OTX1: variants seen among roughly 807,000 people sequenced by gnomAD.
The protein encoded by OTX1 is homeobox protein OTX1.
Under a neutral mutation model 26.7 loss-of-function variants are expected in OTX1, and 7 were observed. The observed-to-expected ratio is 0.26, with a 90% CI of 0.15 to 0.49. The LOEUF (loss-of-function observed/expected upper bound fraction) is 0.49. Among genes scored for constraint, OTX1 ranks in the 20% least tolerant of loss-of-function variants. The pLI is 0.98. For synonymous variants in OTX1, 216 were observed against 212.8 expected (o/e 1.01, Z -0.13); for missense variants, 414 against 483.8 (o/e 0.86, Z 1.35).
chr2:63,050,418 T>C (rs2062016227), upstream of OTX1, among the ~76,000 whole-genome samples: 1 of 152,056 alleles, frequency 6.6e-6, no homozygotes, highest in African/African-American at 2.4e-5. Context: ...CTGAGCCCTG[T>C]AGCGCGCGGG....
intron 3 of OTX1, 99 bp downstream of exon 3, chr2:63,053,186 G>T (rs1355310295): frequency 2.5e-6 from 2 of 784,716 alleles, no homozygotes; most frequent in African/African-American, 1.8e-5. Context: ...AGCAGGCCCA[G>T]GGAGCCGGCT....
chr2:63,056,295 A>G lies in OTX1; in HGVS notation c.1044A>G (p.Ser348=), dbSNP rs1481574899. The change falls in exon 5 of 5, where the codon TCA becomes TCG. Residue 348 remains serine (S), a synonymous_variant. Transcript: ENST00000282549. The part of the protein sequence containing the change: ...PDCLDYKDQA[S]WRFQVL ...GTCTGGACTATAAGGACCAAGCCTC[A>G]TGGCGGTTCCAGGTCTTGTGAGCCC... The G allele has an allele frequency of 6.2e-7, 1 of 1,612,948 alleles. No homozygotes were observed. The highest frequency in any genetic ancestry group is 1.7e-5 in the Admixed American group (1 of 59,942).
In OTX1 at chr2:63,055,266, T is replaced by C. The variant is rs183814039; in HGVS notation, c.250-235T>C. On this transcript the variant is annotated intron_variant, in intron 4 of 4. Transcript: ENST00000282549. The surrounding 1 kb of genome is among the most constrained non-coding windows in gnomAD (Gnocchi z 5.2). ...TGCGGTAGGGGTGGGGAGGTGCGCA[T>C]CCCTGCTCTGGAGCCAGCTGAGGAG... 3.3e-5 allele frequency among the ~76,000 whole-genome samples: 5 copies of C among 151,864 alleles called. No individual in the cohort carries two copies. The highest frequency in any genetic ancestry group is 2.1e-4 in the South Asian group (1 of 4,794).
rs1322457518 is a variant in OTX1, at chr2:63,054,203, G to A, written c.249+5G>A. ...CTGCCGGAGTCTAGAGTCCAGGTGC[G>A]CACTCCCCGGGCTCCAGGGTCTGGG... On this transcript the variant is annotated splice_donor_5th_base_variant and intron_variant, in intron 4 of 4. Coordinates refer to ENST00000282549, the MANE Select transcript of OTX1 (RefSeq NM_014562.4). 1 of 1,582,122 alleles carries A rather than the reference G, an allele frequency of 6.3e-7. No individual in the cohort carries two copies. Among genetic ancestry groups the A allele is most frequent in the Non-Finnish European group, 8.6e-7 (1 of 1,162,806 alleles).
intron 4 of OTX1, among the ~76,000 whole-genome samples, chr2:63,054,500 T>G (rs1574628882): frequency 6.6e-6 from 1 of 152,280 alleles, no homozygotes; most frequent in South Asian, 2.1e-4. Context: ...TAAAGCGCCC[T>G]GCGGGCCTGA....
Position 63,056,557 on chromosome 2 carries a change from T to C in OTX1, c.*241T>C. The C allele has an allele frequency of 1.7e-6, 1 of 588,706 alleles. No individual in the cohort carries two copies. The highest frequency in any genetic ancestry group is 3.0e-6 in the Non-Finnish European group (1 of 330,306). 36.5% of individuals were successfully genotyped at this position (588,706 alleles called of 1,614,324 possible). Reference sequence around the variant, plus strand: ...CCGGTGCTTCGGCTTGGCCTACACATTCTATACAGGAGAGATGTATTATTT... The same window carrying C: ...CCGGTGCTTCGGCTTGGCCTACACACTCTATACAGGAGAGATGTATTATTT... On this transcript the variant is annotated 3_prime_UTR_variant, in exon 5 of 5. Transcript: ENST00000282549.
At position 63,055,683 on chromosome 2, in the gene OTX1, C is replaced by T; in HGVS notation, c.432C>T (p.Ser144=). Residue 144 remains serine, a synonymous_variant, in exon 5 of 5, where the codon AGC becomes AGT. Coordinates refer to ENST00000282549, the MANE Select transcript of OTX1 (RefSeq NM_014562.4). This position sits in a 1 kb window ranked among gnomAD's most constrained non-coding sequence, Gnocchi z 5.2. ...CCTCGTCCTCTAGCTCGGCGTCCAG[C>T]TCTTCCGCCAACCCAGCGGCTGCAG... ...SSASSSSSAS[S]SSANPAAAAA... The T allele has an allele frequency of 6.2e-7, 1 of 1,613,884 alleles. No homozygotes were observed. The highest frequency in any genetic ancestry group is 1.1e-5 in the South Asian group (1 of 91,082).
At chr2:63,050,423 C>T (rs998995010), upstream of OTX1, among the ~76,000 whole-genome samples, 1 of 152,142 alleles carries the variant, frequency 6.6e-6, no homozygotes, top group African/African-American at 2.4e-5. Context: ...CCCTGTAGCG[C>T]GCGGGAGAGC....
At position 63,055,824 on chromosome 2, in the gene OTX1, G is replaced by C; in HGVS notation, c.573G>C (p.Val191=). ...SISPGSAPAS[V]SVPEPLAAPS... ...CGCCAGGCTCAGCGCCCGCGTCCGT[G>C]TCGGTGCCGGAGCCATTGGCCGCGC... The change falls in exon 5 of 5, where the codon GTG becomes GTC. Residue 191 remains valine (V), a synonymous_variant. Coordinates refer to ENST00000282549, the MANE Select transcript of OTX1 (RefSeq NM_014562.4). The surrounding 1 kb of genome is among the most constrained non-coding windows in gnomAD (Gnocchi z 5.2). The C allele has an allele frequency of 6.2e-7, 1 of 1,612,202 alleles. No individual in the cohort carries two copies. The highest frequency in any genetic ancestry group is 1.1e-5 in the South Asian group (1 of 91,016).
chr2:63,052,900 A>C lies in OTX1; in HGVS notation c.-91A>C. ...CATAGGCCAGGCCCCCAGACGCATC[A>C]GACCCTGAAGGACTGCGTGGTGGGA... is the stretch of plus-strand genomic sequence containing the variant. On this transcript the variant is annotated 5_prime_UTR_variant, in exon 3 of 5. Coordinates refer to ENST00000282549, the MANE Select transcript of OTX1 (RefSeq NM_014562.4). 3 of 785,858 alleles carry C rather than the reference A, an allele frequency of 3.8e-6. No homozygotes were observed. The South Asian group carries it at 4.6e-5, about 12-fold the overall frequency. 48.7% of individuals were successfully genotyped at this position (785,858 alleles called of 1,614,324 possible).
chr2:63,057,572 CCTCTGTCGGCTT>C lies in OTX1; in HGVS notation c.*1261_*1272del, dbSNP rs1342215332. On this transcript the variant is annotated 3_prime_UTR_variant, in exon 5 of 5. Transcript: ENST00000282549. ...CCAGGCCCCAAACCCAGTTCCAACT[CCTCTGTCGGCTT>C]CTCTCTTTCAACACCCTTGTTTTGT... 1 of 152,230 alleles carries C rather than the reference CCTCTGTCGGCTT, an allele frequency of 6.6e-6. No homozygotes were observed. Among genetic ancestry groups the C allele is most frequent in the African/African-American group, 2.4e-5 (1 of 41,434 alleles). The allele number at this position is 152,230 out of a possible 1,614,324, so 9.4% of individuals were successfully genotyped here.
chr2:63,052,937 C>T lies in OTX1; in HGVS notation c.-54C>T, dbSNP rs570648946. On this transcript the variant is annotated 5_prime_UTR_variant, in exon 3 of 5. Coordinates refer to ENST00000282549, the MANE Select transcript of OTX1 (RefSeq NM_014562.4). ...ACTGCGTGGTGGGAGCCCTGCACCG[C>T]TCCTGGCCCCGGGCCCCCTGGATCC... The T allele has an allele frequency of 8.0e-7, 1 of 1,248,910 alleles. No individual in the cohort carries two copies. The highest frequency in any genetic ancestry group is 1.2e-6 in the Non-Finnish European group (1 of 861,040). 77.4% of individuals were successfully genotyped at this position (1,248,910 alleles called of 1,614,324 possible).
Position 63,056,362 on chromosome 2 carries a change from CG to C in OTX1, c.*47del. The C allele has an allele frequency of 6.6e-7, 1 of 1,518,442 alleles. No individual in the cohort carries two copies. Among genetic ancestry groups the C allele is most frequent in the Non-Finnish European group, 9.0e-7 (1 of 1,109,596 alleles). 94.1% of individuals were successfully genotyped at this position (1,518,442 alleles called of 1,614,324 possible). ...AAGAAACGCAACTACCTGCGCCCTCCGTGGTCCCGATCCTGTTGCTGCTGCT... is the reference window on the plus strand; with the variant it reads ...AAGAAACGCAACTACCTGCGCCCTCCTGGTCCCGATCCTGTTGCTGCTGCT... On this transcript the variant is annotated 3_prime_UTR_variant, in exon 5 of 5. Transcript: ENST00000282549.
At chr2:63,049,825 T>G (rs138281018), upstream of OTX1, among the ~76,000 whole-genome samples, 4 of 152,232 alleles carry the variant, frequency 2.6e-5, no homozygotes, top group East Asian at 7.7e-4. This position sits in a 1 kb window ranked among gnomAD's most constrained non-coding sequence, Gnocchi z 4.8. Flanking sequence ...GTTTGGGAAG[T>G]TTTTTCGGGT....
Position 63,056,171 on chromosome 2 carries a change from C to T in OTX1, c.920C>T (p.Ser307Phe). Residue 307 changes from serine (S) to phenylalanine (F), a missense_variant, in exon 5 of 5, where the codon TCT becomes TTT. This residue lies in a region of OTX1 where 320 missense variants were observed against 347.9 expected (regional missense o/e 0.92). Transcript: ENST00000282549. The stretch of plus-strand genomic sequence containing the variant: ...CACCACCACCAAGGCTACGGTGGCT[C>T]TGGGCTTGCCTTCAACTCTGCCGAC... ...HHHHHQGYGG[S>F]GLAFNSADCL... is the part of the protein sequence containing the mutation. The T allele has an allele frequency of 2.5e-6, 4 of 1,614,056 alleles. No homozygotes were observed. Among genetic ancestry groups the T allele is most frequent in the Non-Finnish European group, 2.5e-6 (3 of 1,180,014 alleles).
At chr2:63,049,783 T>C (rs540119119), upstream of OTX1, among the ~76,000 whole-genome samples, 11 of 152,358 alleles carry the variant, frequency 7.2e-5, no homozygotes, top group South Asian at 2.3e-3. This position sits in a 1 kb window ranked among gnomAD's most constrained non-coding sequence, Gnocchi z 4.8. Flanking sequence ...AAACTCTTTT[T>C]TGCACTTTTA....
chr2:63,053,240 C>G (rs2062038667), intron 3 of OTX1, 153 bp downstream of exon 3: 3 of 542,730 alleles, frequency 5.5e-6, no homozygotes. Flanking sequence ...GGGCCCACTG[C>G]CGGCGCATGG....
intron 3 of OTX1, among the ~76,000 whole-genome samples, chr2:63,053,719 CGT>C (rs879280827): frequency 9.2e-5 from 14 of 151,678 alleles, no homozygotes; most frequent in African/African-American, 2.9e-4. Context: ...TGTGTGTGTG[CGT>C]GTGTGTGCGT....
rs1337496692 is a variant in OTX1, at chr2:63,054,113, C to T, written c.164C>T (p.Ala55Val). Residue 55 changes from alanine (A) to valine (V), a missense_variant, in exon 4 of 5, where the codon GCG becomes GTG. This residue lies in a region of OTX1 where 46 missense variants were observed against 94.3 expected (regional missense o/e 0.49). Transcript: ENST00000282549. ...CGTTCACAGCTGGACGTGCTCGAGG[C>T]GCTCTTCGCCAAGACTCGCTACCCT... ...FTRSQLDVLE[A>V]LFAKTRYPDI... 7 of 1,611,824 alleles carry T rather than the reference C, an allele frequency of 4.3e-6. No individual in the cohort carries two copies. The highest frequency in any genetic ancestry group is 5.9e-6 in the Non-Finnish European group (7 of 1,179,176).
Sources: allele counts gnomAD v4.1 joint callset (sites outside exome capture counted in the v4.1 genomes callset), GRCh38; gene constraint gnomAD v4.1.1; regional missense constraint gnomAD v4.1.1; non-coding constraint Gnocchi (gnomAD v3.1); transcripts MANE v1.5; gene names NCBI Gene and HGNC (gene_info 2026-07-23, HGNC 2026-07-21).